Variants in CNTNAP5 observed in about 807,000 individuals in gnomAD.
CNTNAP5 encodes the protein contactin associated protein family member 5.
Under a neutral mutation model 150.2 loss-of-function variants are expected in CNTNAP5, and 72 were observed. The ratio of observed to expected loss-of-function variants is 0.48; its 90% CI spans 0.40 to 0.58. CNTNAP5 has a LOEUF of 0.58. Ranked by LOEUF, CNTNAP5 falls within the 20% of genes least tolerant of loss-of-function variation. The probability of loss-of-function intolerance (pLI) is 0.00; values close to 1 mark genes in which losing one functional copy is unlikely to be tolerated. For synonymous variants in CNTNAP5, 672 were observed against 619.8 expected, an observed-to-expected ratio of 1.08 and a Z score of -1.25; for missense variants, 1,636 against 1,626.2, an observed-to-expected ratio of 1.01 and a Z score of -0.10.
At chr2:124,894,160 C>G (rs1482964342) in intron 21 of CNTNAP5, among the ~76,000 whole-genome samples, 1 of 151,902 alleles carries the variant, frequency 6.6e-6, no homozygotes, top group East Asian at 1.9e-4. Context: ...TTTAGAAAGA[C>G]TTTTAACAAA....
At chr2:124,678,761 C>G (rs1033811158) in intron 13 of CNTNAP5, among the ~76,000 whole-genome samples, 3 of 151,846 alleles carry the variant, frequency 2.0e-5, no homozygotes, top group Non-Finnish European at 2.9e-5. Context: ...TCTCTGTGCT[C>G]TTCCATGCTC....
At chr2:124,713,112 G>T (rs1679841322) in intron 13 of CNTNAP5, among the ~76,000 whole-genome samples, 1 of 151,916 alleles carries the variant, frequency 6.6e-6, no homozygotes, top group Non-Finnish European at 1.5e-5. Flanking sequence ...CTACTACTAT[G>T]GGACTGTAAC....
At chr2:124,556,025 A>G (rs1383729133) in intron 10 of CNTNAP5, among the ~76,000 whole-genome samples, 1 of 152,190 alleles carries the variant, frequency 6.6e-6, no homozygotes, top group African/African-American at 2.4e-5. Context: ...TGACAACTCC[A>G]CATTGCATAA....
rs113286000 is a variant in CNTNAP5, at chr2:124,353,912, A to T, written c.382-63531A>T. Reference sequence around the variant, plus strand: ...CAGTTGAAGGGAGTTCATGCATTTGATAAATGTGCTGTAGCCTGGACATTT... The same window carrying T: ...CAGTTGAAGGGAGTTCATGCATTTGTTAAATGTGCTGTAGCCTGGACATTT... On this transcript the variant is annotated intron_variant, in intron 3 of 23. Coordinates refer to ENST00000682447, the MANE Select transcript of CNTNAP5 (RefSeq NM_001367498.1). 5.4e-3 allele frequency among the ~76,000 whole-genome samples: 821 copies of T among 152,310 alleles called. 5 individuals carry two copies. Among genetic ancestry groups the T allele is most frequent in the Middle Eastern group, 0.034 (10 of 294 alleles).
chr2:124,717,696 TTGGGAAATCTGACATAAA>T (rs1558748875), intron 13 of CNTNAP5, among the ~76,000 whole-genome samples: 1 of 152,166 alleles, frequency 6.6e-6, no homozygotes, highest in Non-Finnish European at 1.5e-5. Context: ...AGGCAGAATA[TTGGGAAATCTGACATAAA>T]TGGTGTAAGC....
intron 13 of CNTNAP5, among the ~76,000 whole-genome samples, chr2:124,738,838 G>A (rs1273265860): frequency 1.3e-5 from 2 of 152,184 alleles, no homozygotes; most frequent in Non-Finnish European, 2.9e-5. Context: ...GATGTCTGGA[G>A]CCTGTAGCCC....
chr2:124,616,742 T>C (rs556440651), intron 12 of CNTNAP5, among the ~76,000 whole-genome samples: 9 of 152,192 alleles, frequency 5.9e-5, no homozygotes, highest in Non-Finnish European at 1.0e-4. Flanking sequence ...TCCTTTCACT[T>C]GAATTCTTAG....
At chr2:124,305,333 A>G (rs1185544276) in intron 3 of CNTNAP5, among the ~76,000 whole-genome samples, 1 of 152,124 alleles carries the variant, frequency 6.6e-6, no homozygotes, top group Non-Finnish European at 1.5e-5. Context: ...CTGGGGAGTT[A>G]GGAAGTGTTT....
intron 11 of CNTNAP5, among the ~76,000 whole-genome samples, chr2:124,574,562 T>C (rs1696235631): frequency 6.6e-6 from 1 of 152,242 alleles, no homozygotes; most frequent in South Asian, 2.1e-4. Flanking sequence ...ATGAGGAATG[T>C]TCTGCAAGCA....
At chr2:124,168,285 A>T (rs1390759601) in intron 1 of CNTNAP5, among the ~76,000 whole-genome samples, 2 of 152,212 alleles carry the variant, frequency 1.3e-5, no homozygotes, top group African/African-American at 4.8e-5. Context: ...GAAGGTGAGC[A>T]AGCAAGGTAA....
intron 13 of CNTNAP5, among the ~76,000 whole-genome samples, chr2:124,654,943 A>C (rs939999653): frequency 6.6e-6 from 1 of 151,702 alleles, no homozygotes; most frequent in Non-Finnish European, 1.5e-5. Flanking sequence ...TATTTCTTAA[A>C]TTATGCTCCC....
rs1157091502 is a variant in CNTNAP5, at chr2:124,609,852, G to T, written c.1808G>T (p.Gly603Val). Residue 603 changes from glycine (G) to valine (V), a missense_variant, in exon 12 of 24, where the codon GGC (glycine) becomes GTC (valine). Gly to Val is a moderately radical substitution (Grantham distance 109). Transcript: ENST00000682447. ...EVYRHQGNTA[G>V]FFYIDSDGSG... ...TACAGGCACCAGGGGAATACAGCCG[G>T]CTTCTTCTACATCGACTCAGATGGC... The T allele has an allele frequency of 6.2e-7, 1 of 1,613,966 alleles. No homozygotes were observed. Among genetic ancestry groups the T allele is most frequent in the Non-Finnish European group, 8.5e-7 (1 of 1,179,880 alleles).
At chr2:124,466,792 G>C (rs1693387792) in intron 6 of CNTNAP5, among the ~76,000 whole-genome samples, 2 of 152,086 alleles carry the variant, frequency 1.3e-5, no homozygotes, top group African/African-American at 4.8e-5. Context: ...TGAAGGCCCT[G>C]GGCCATTTCA....
intron 19 of CNTNAP5, among the ~76,000 whole-genome samples, chr2:124,809,406 A>ATTTC (rs1682156144): frequency 6.6e-6 from 1 of 150,790 alleles, no homozygotes; most frequent in Non-Finnish European, 1.5e-5. Context: ...TTATTTATTT[A>ATTTC]TTTATTTATT....
intron 1 of CNTNAP5, among the ~76,000 whole-genome samples, chr2:124,103,853 A>ATATATAAATAAATT (rs1408701799): frequency 6.8e-6 from 1 of 147,958 alleles, no homozygotes; most frequent in Admixed American, 6.8e-5. Flanking sequence ...AATAATAGAT[A>ATATATAAATAAATT]TATATAAATA....
chr2:124,418,386 A>G (rs1691984804), intron 4 of CNTNAP5, among the ~76,000 whole-genome samples: 1 of 152,192 alleles, frequency 6.6e-6, no homozygotes, highest in South Asian at 2.1e-4. Flanking sequence ...CTTAATGAGT[A>G]CATGTCTGTA....
intron 1 of CNTNAP5, among the ~76,000 whole-genome samples, chr2:124,147,517 G>A (rs1684284177): frequency 6.6e-6 from 1 of 152,238 alleles, no homozygotes; most frequent in East Asian, 1.9e-4. Context: ...TTCAGGAAGA[G>A]AGATAAAGAG....
intron 3 of CNTNAP5, among the ~76,000 whole-genome samples, chr2:124,351,070 T>C (rs537213088): frequency 6.6e-6 from 1 of 152,354 alleles, no homozygotes; most frequent in African/African-American, 2.4e-5. Context: ...CGACAGATAG[T>C]GTCTTTGATA....
intron 13 of CNTNAP5, among the ~76,000 whole-genome samples, chr2:124,661,869 A>AT (rs1678599628): frequency 6.6e-6 from 1 of 151,862 alleles, no homozygotes; most frequent in Admixed American, 6.6e-5. Context: ...ATCTTTTTTT[A>AT]ATATATATAT....
Sources: gnomAD v4.1 joint callset for allele counts (sites outside exome capture counted in the v4.1 genomes callset) on GRCh38, gnomAD v4.1.1 for gene constraint, MANE v1.5 for transcripts, NCBI Gene and HGNC (gene_info 2026-07-23, HGNC 2026-07-21) for gene names.